LMBRD1: variants seen among roughly 807,000 people sequenced by gnomAD.
The protein encoded by LMBRD1 is lysosomal cobalamin transport escort protein LMBD1.
Under a neutral mutation model 74.8 loss-of-function variants are expected in LMBRD1, and 64 were observed. The ratio of observed to expected loss-of-function variants is 0.86; its 90% CI spans 0.70 to 1.05. LMBRD1 has a LOEUF of 1.05. Among genes scored for constraint, LMBRD1 ranks in the 50% least tolerant of loss-of-function variants. The pLI, the probability that LMBRD1 is intolerant of heterozygous loss-of-function variation, is 0.00. For synonymous variants in LMBRD1, 204 were observed against 216.3 expected, an observed-to-expected ratio of 0.94 and a Z score of 0.50; for missense variants, 652 against 645.9, an observed-to-expected ratio of 1.01 and a Z score of -0.10.
intron 3 of LMBRD1, among the ~76,000 whole-genome samples, chr6:69,775,263 A>G (rs1181859857): frequency 1.3e-5 from 2 of 152,136 alleles, no homozygotes; most frequent in African/African-American, 4.8e-5. Flanking sequence ...AATGAGGATT[A>G]TTAATAACTA....
intron 8 of LMBRD1, among the ~76,000 whole-genome samples, chr6:69,718,369 T>C (rs953817364): frequency 1.1e-4 from 17 of 152,162 alleles, no homozygotes; most frequent in African/African-American, 4.1e-4. Context: ...TTTTTAAGTG[T>C]TAGAACAATG....
chr6:69,749,196 T>C (rs776186864), intron 5 of LMBRD1, 145 bp downstream of exon 5: 26 of 672,492 alleles, frequency 3.9e-5, no homozygotes, highest in African/African-American at 5.5e-5. Context: ...ATTGTGGCTA[T>C]TGTTCCTTGG....
intron 9 of LMBRD1, among the ~76,000 whole-genome samples, chr6:69,702,302 C>A (rs996614266): frequency 6.6e-6 from 1 of 151,754 alleles, no homozygotes; most frequent in African/African-American, 2.4e-5. Context: ...CACACACACA[C>A]ACACCCCAAA....
At chr6:69,762,530 T>C (rs897770051) in intron 3 of LMBRD1, among the ~76,000 whole-genome samples, 3 of 152,136 alleles carry the variant, frequency 2.0e-5, no homozygotes, top group Admixed American at 6.6e-5. Flanking sequence ...ATAGCAGCAT[T>C]CAAAGATTCT....
At chr6:69,682,993 A>G (rs1354814412) in intron 14 of LMBRD1, among the ~76,000 whole-genome samples, 2 of 152,138 alleles carry the variant, frequency 1.3e-5, no homozygotes, top group South Asian at 4.1e-4. Context: ...AAGTTTCACA[A>G]AATTATTTAG....
chr6:69,752,261 T>G lies in LMBRD1; in HGVS notation c.403A>C (p.Thr135Pro). 6.2e-7 allele frequency: 1 copy of G among 1,608,394 alleles called. No individual in the cohort carries two copies. ...EKDDDDTSKC[T>P]QIKTALKYTL... ...GCCTCTAAAATAAAGATACTTACAG[T>G]ACATTTACTAGTATCATCATCATCC... The change falls in exon 4 of 16, where the codon ACT (threonine) becomes CCT (proline). Residue 135 changes from threonine (T) to proline (P), a missense_variant and splice_region_variant. Physicochemically the swap from Thr to Pro is conservative, Grantham distance 38. Transcript: ENST00000649934.
chr6:69,685,300 C>T (rs1297650206), intron 14 of LMBRD1, among the ~76,000 whole-genome samples: 4 of 151,950 alleles, frequency 2.6e-5, no homozygotes, highest in Non-Finnish European at 4.4e-5. Flanking sequence ...TGGCCATGTC[C>T]GAACATGTAT....
intron 5 of LMBRD1, among the ~76,000 whole-genome samples, chr6:69,745,253 C>CTTTTTT (rs142539708): frequency 7.2e-6 from 1 of 137,986 alleles, no homozygotes; most frequent in Non-Finnish European, 1.6e-5. Flanking sequence ...TTAAAAATTT[C>CTTTTTT]TTTTTTTTTT....
intron 4 of LMBRD1, among the ~76,000 whole-genome samples, chr6:69,751,035 T>C (rs1765136811): frequency 6.6e-6 from 1 of 152,136 alleles, no homozygotes; most frequent in African/African-American, 2.4e-5. Flanking sequence ...TTTAGTCTTA[T>C]TGTATAACTG....
chr6:69,764,316 G>C (rs891314520), intron 3 of LMBRD1, among the ~76,000 whole-genome samples: 11 of 148,358 alleles, frequency 7.4e-5, no homozygotes, highest in African/African-American at 2.7e-4. Flanking sequence ...GAGTACATGC[G>C]CTAGATCGTT....
At chr6:69,678,146 C>T (rs1001005338) in intron 14 of LMBRD1, among the ~76,000 whole-genome samples, 70 of 152,126 alleles carry the variant, frequency 4.6e-4, no homozygotes, top group Non-Finnish European at 8.8e-5. Context: ...TAGATTGACA[C>T]ATATTTTGTA....
chr6:69,774,287 C>T (rs1765639962), intron 3 of LMBRD1, among the ~76,000 whole-genome samples: 1 of 152,216 alleles, frequency 6.6e-6, no homozygotes, highest in South Asian at 2.1e-4. Context: ...ATTATGAAGC[C>T]TCCCCAGCCA....
chr6:69,782,956 G>A (rs1434108606), intron 2 of LMBRD1, among the ~76,000 whole-genome samples: 1 of 152,036 alleles, frequency 6.6e-6, no homozygotes, highest in South Asian at 2.1e-4. Flanking sequence ...CTAAATGCCA[G>A]AATAGAAATA....
intron 5 of LMBRD1, among the ~76,000 whole-genome samples, chr6:69,748,903 G>C (rs1765054445): frequency 6.6e-6 from 1 of 151,918 alleles, no homozygotes; most frequent in South Asian, 2.1e-4. Context: ...ATTTATAATG[G>C]GGAAACATTA....
intron 1 of LMBRD1, among the ~76,000 whole-genome samples, chr6:69,791,796 C>T (rs956934531): frequency 2.0e-5 from 3 of 152,140 alleles, no homozygotes; most frequent in African/African-American, 7.2e-5. Context: ...GCCCTTGAGA[C>T]AGGAATAATG....
chr6:69,734,307 C>G (rs1766926574), intron 7 of LMBRD1, among the ~76,000 whole-genome samples: 1 of 152,140 alleles, frequency 6.6e-6, no homozygotes, highest in East Asian at 1.9e-4. Context: ...ATCCTTCAGC[C>G]CAGCCCTCTA....
Position 69,767,211 on chromosome 6 carries a change from G to T in LMBRD1, c.307+13283C>A, listed in dbSNP as rs188728590. On this transcript the variant is annotated intron_variant, in intron 3 of 15. Transcript: ENST00000649934. ...TTGTTTTTCTGTTTTCTATTTCATT[G>T]ATGTCTGCTCTAACCTTTATTTTTC... Among the ~76,000 whole-genome samples the T allele has an allele frequency of 4.7e-5, 7 of 150,296 alleles. No individual in the cohort carries two copies. The East Asian group carries it at 1.4e-3, about 30-fold the overall frequency.
chr6:69,785,479 C>A (rs1036035226), intron 2 of LMBRD1, among the ~76,000 whole-genome samples: 19 of 152,180 alleles, frequency 1.2e-4, no homozygotes, highest in African/African-American at 4.1e-4. Flanking sequence ...CGAACTATAA[C>A]TCTTTTCTCT....
intron 3 of LMBRD1, among the ~76,000 whole-genome samples, chr6:69,779,185 C>G (rs949290146): frequency 1.0e-5 from 1 of 100,158 alleles, no homozygotes. Flanking sequence ...GACTCAGTCT[C>G]AAAAAAAAAA....
Sources: allele counts gnomAD v4.1 joint callset (sites outside exome capture counted in the v4.1 genomes callset), GRCh38; gene constraint gnomAD v4.1.1; transcripts MANE v1.5; gene names NCBI Gene and HGNC (gene_info 2026-07-23, HGNC 2026-07-21).